Variants in EXOC6B observed in about 807,000 individuals in gnomAD.
EXOC6B encodes SEC15 homolog B.
Under a neutral mutation model 113.5 loss-of-function variants are expected in EXOC6B, and 54 were observed. The observed-to-expected ratio is 0.48, with a 90% confidence interval of 0.38 to 0.60. The LOEUF (loss-of-function observed/expected upper bound fraction) is 0.60. Among genes scored for constraint, EXOC6B ranks in the 20% least tolerant of loss-of-function variants. The probability of loss-of-function intolerance (pLI) is 0.00; values close to 1 mark genes in which losing one functional copy is unlikely to be tolerated. For synonymous variants in EXOC6B, 357 were observed against 339.0 expected, an observed-to-expected ratio of 1.05 and a Z score of -0.58; for missense variants, 797 against 977.5, an observed-to-expected ratio of 0.82 and a Z score of 2.46.
intron 18 of EXOC6B, among the ~76,000 whole-genome samples, chr2:72,414,064 G>C (rs1694366872): frequency 6.6e-6 from 1 of 152,208 alleles, no homozygotes; most frequent in Non-Finnish European, 1.5e-5. Context: ...CAAAAAGCAT[G>C]TTACAGATGC....
chr2:72,205,394 A>T (rs1174928829), intron 20 of EXOC6B, among the ~76,000 whole-genome samples: 1 of 152,132 alleles, frequency 6.6e-6, no homozygotes, highest in Non-Finnish European at 1.5e-5. Context: ...CCACTGAAGT[A>T]AAATTTGTTA....
intron 1 of EXOC6B, among the ~76,000 whole-genome samples, chr2:72,778,766 C>T (rs564208242): frequency 2.6e-5 from 4 of 152,132 alleles, no homozygotes; most frequent in Non-Finnish European, 5.9e-5. Flanking sequence ...TAAAGACTAT[C>T]ATACACAAGT....
chr2:72,215,258 G>A (rs1157480799), intron 20 of EXOC6B, among the ~76,000 whole-genome samples: 1 of 152,096 alleles, frequency 6.6e-6, no homozygotes, highest in Non-Finnish European at 1.5e-5. Context: ...AGGATGTTAT[G>A]GAGGAGAAAT....
At chr2:72,675,817 TGGGGGCGG>T (rs1289370429) in intron 6 of EXOC6B, among the ~76,000 whole-genome samples, 3 of 135,774 alleles carry the variant, frequency 2.2e-5, no homozygotes, top group Admixed American at 1.6e-4. Flanking sequence ...AAAAAGTTGG[TGGGGGCGG>T]GGGGGCGGAC....
intron 20 of EXOC6B, among the ~76,000 whole-genome samples, chr2:72,221,964 G>A (rs567556804): frequency 6.6e-4 from 101 of 152,292 alleles, no homozygotes; most frequent in African/African-American, 2.2e-3. Flanking sequence ...ACAGCATCAA[G>A]ATGAGGAGGT....
intron 8 of EXOC6B, among the ~76,000 whole-genome samples, chr2:72,559,014 T>C (rs539524716): frequency 1.0e-3 from 152 of 152,262 alleles, no homozygotes; most frequent in African/African-American, 3.6e-3. Flanking sequence ...AAAGGGATCA[T>C]TTCTTAGAAT....
chr2:72,439,755 C>A (rs915444004), intron 18 of EXOC6B, among the ~76,000 whole-genome samples: 4 of 152,184 alleles, frequency 2.6e-5, no homozygotes, highest in Admixed American at 6.5e-5. Flanking sequence ...CAGTTCTGAA[C>A]CCTTGCTGGA....
intron 20 of EXOC6B, among the ~76,000 whole-genome samples, chr2:72,294,080 A>G (rs1452162154): frequency 1.3e-5 from 2 of 150,864 alleles, no homozygotes; most frequent in African/African-American, 4.9e-5. Context: ...GAACCAGTGA[A>G]AAAAAAAAAA....
chr2:72,182,764 G>T, intron 21 of EXOC6B: 1 of 586,164 alleles, frequency 1.7e-6, no homozygotes, highest in Non-Finnish European at 2.5e-6. Context: ...GGCTGGTTTA[G>T]TAGATTAGTA....
At chr2:72,552,298 C>T (rs554150024) in intron 8 of EXOC6B, among the ~76,000 whole-genome samples, 1 of 152,236 alleles carries the variant, frequency 6.6e-6, no homozygotes, top group South Asian at 2.1e-4. Flanking sequence ...GGCTTAATTA[C>T]AACTGTGAAC....
intron 6 of EXOC6B, among the ~76,000 whole-genome samples, chr2:72,683,673 TTC>T (rs1345312177): frequency 1.3e-5 from 2 of 152,160 alleles, no homozygotes; most frequent in African/African-American, 4.8e-5. Context: ...GAATAGTAGT[TTC>T]TCCCATAGAT....
intron 7 of EXOC6B, among the ~76,000 whole-genome samples, chr2:72,562,311 G>A (rs1703934776): frequency 6.6e-6 from 1 of 152,104 alleles, no homozygotes; most frequent in Admixed American, 6.6e-5. Flanking sequence ...GTGGGGAAGA[G>A]TATCAGAAGA....
At chr2:72,554,896 C>T (rs759919651) in intron 8 of EXOC6B, among the ~76,000 whole-genome samples, 3 of 152,084 alleles carry the variant, frequency 2.0e-5, no homozygotes, top group Non-Finnish European at 4.4e-5. Flanking sequence ...CTAATGCTAT[C>T]CCTCCCCCAG....
At chr2:72,688,243 T>C (rs1177892196) in intron 6 of EXOC6B, among the ~76,000 whole-genome samples, 2 of 151,942 alleles carry the variant, frequency 1.3e-5, no homozygotes, top group Non-Finnish European at 2.9e-5. Flanking sequence ...TATTTTAAGT[T>C]CCCCCAGAAG....
intron 6 of EXOC6B, among the ~76,000 whole-genome samples, chr2:72,619,929 C>A (rs571174508): frequency 5.9e-5 from 9 of 152,194 alleles, no homozygotes; most frequent in Non-Finnish European, 1.2e-4. Context: ...GCCATAGATA[C>A]CCATCCCCTA....
At chr2:72,720,837 A>G (rs1015521088) in intron 5 of EXOC6B, among the ~76,000 whole-genome samples, 1 of 152,026 alleles carries the variant, frequency 6.6e-6, no homozygotes, top group Non-Finnish European at 1.5e-5. Context: ...AAGCCAACAA[A>G]TATTGCTAGT....
intron 6 of EXOC6B, among the ~76,000 whole-genome samples, chr2:72,622,287 C>T (rs1573503493): frequency 6.7e-6 from 1 of 148,932 alleles, no homozygotes; most frequent in East Asian, 1.9e-4. Context: ...AGAATCTGCA[C>T]ACAGTAAGAT....
chr2:72,522,547 A>C (rs939384550), intron 8 of EXOC6B, among the ~76,000 whole-genome samples: 2 of 152,210 alleles, frequency 1.3e-5, no homozygotes, highest in African/African-American at 4.8e-5. Flanking sequence ...AAAAAGAAAA[A>C]ATGAAAGCCA....
intron 15 of EXOC6B, 93 bp downstream of exon 15, chr2:72,495,337 G>A: frequency 6.2e-6 from 4 of 640,748 alleles, no homozygotes; most frequent in Non-Finnish European, 1.1e-5. Context: ...CCAAAATCAG[G>A]GCTGACGGGA....
Sources: allele counts gnomAD v4.1 joint callset (sites outside exome capture counted in the v4.1 genomes callset), GRCh38; gene constraint gnomAD v4.1.1; transcripts MANE v1.5; gene names NCBI Gene and HGNC (gene_info 2026-07-23, HGNC 2026-07-21).